The following PTK2 variants were observed in gnomAD, a reference collection of about 807,000 sequenced individuals.
PTK2 encodes focal adhesion kinase 1.
In PTK2, 45 loss-of-function variants were observed where a neutral mutation model predicts 150.1. The ratio of observed to expected loss-of-function variants is 0.30; its 90% CI spans 0.24 to 0.38. The LOEUF is 0.38. Ranked by LOEUF, PTK2 falls within the 10% of genes least tolerant of loss-of-function variation. The pLI, the probability that PTK2 is intolerant of heterozygous loss-of-function variation, is 1.00. For synonymous variants in PTK2, 432 were observed against 449.2 expected, an observed-to-expected ratio of 0.96 and a Z score of 0.48; for missense variants, 919 against 1,307.3, an observed-to-expected ratio of 0.70 and a Z score of 4.58.
chr8:140,978,743 C>G (rs1251154291), intron 1 of PTK2, among the ~76,000 whole-genome samples: 1 of 151,870 alleles, frequency 6.6e-6, no homozygotes, highest in African/African-American at 2.4e-5. Context: ...CCATTTGACC[C>G]AGCCATCCCA....
intron 2 of PTK2, chr8:140,920,689 T>G: frequency 1.0e-6 from 1 of 974,474 alleles, no homozygotes; most frequent in Non-Finnish European, 1.4e-6. Context: ...ACCAAATCTA[T>G]TTCCATTTTT....
In PTK2 at chr8:140,866,921, A is replaced by G. The variant is rs576689160; in HGVS notation, c.363-2522T>C. Among the ~76,000 whole-genome samples, 17 of 152,348 alleles carry G rather than the reference A, an allele frequency of 1.1e-4. No individual in the cohort carries two copies. The East Asian group carries it at 2.9e-3, about 26-fold the overall frequency. On this transcript the variant is annotated intron_variant, in intron 4 of 31. Coordinates refer to ENST00000522684, the Ensembl canonical transcript of PTK2. ...CAATGATGGACACTCTGATATGATG[A>G]TATCTGAACAAAGATCTAAATAAAG...
At chr8:140,793,045 C>A (rs2100089436) in intron 13 of PTK2, among the ~76,000 whole-genome samples, 2 of 152,088 alleles carry the variant, frequency 1.3e-5, no homozygotes, top group African/African-American at 4.8e-5. Context: ...AGCCAGAATG[C>A]CACATATTTT....
chr8:140,759,396 T>C (rs1015334875), intron 16 of PTK2, among the ~76,000 whole-genome samples: 5 of 151,730 alleles, frequency 3.3e-5, no homozygotes, highest in African/African-American at 1.2e-4. Flanking sequence ...TAGCTGGGAA[T>C]GATGGCACAC....
intron 14 of PTK2, among the ~76,000 whole-genome samples, chr8:140,775,622 G>A (rs1056635917): frequency 5.3e-5 from 8 of 152,168 alleles, no homozygotes; most frequent in Non-Finnish European, 7.4e-5. Flanking sequence ...GGGACTATAG[G>A]TGTGAGCCAC....
At chr8:140,687,535 T>G (rs2100020659) in intron 26 of PTK2, among the ~76,000 whole-genome samples, 1 of 152,218 alleles carries the variant, frequency 6.6e-6, no homozygotes, top group East Asian at 1.9e-4. Context: ...CATCTTGATG[T>G]CTGATTCGTC....
intron 26 of PTK2, among the ~76,000 whole-genome samples, chr8:140,694,287 T>C (rs967650645): frequency 1.3e-5 from 2 of 152,050 alleles, no homozygotes; most frequent in African/African-American, 4.8e-5. Flanking sequence ...GTGATCCGTC[T>C]GCCTCGGCCT....
At chr8:140,770,551 C>T (rs954574010) in intron 14 of PTK2, among the ~76,000 whole-genome samples, 165 bp downstream of exon 15, 6 of 152,180 alleles carry the variant, frequency 3.9e-5, no homozygotes, top group African/African-American at 1.4e-4. Context: ...TAAAACCTTG[C>T]CCCCACCCCA....
At chr8:140,811,220 C>T (rs1283991362) in intron 10 of PTK2, among the ~76,000 whole-genome samples, 2 of 152,174 alleles carry the variant, frequency 1.3e-5, no homozygotes, top group African/African-American at 4.8e-5. Context: ...GGATTCCTAA[C>T]CTCCAGGAGC....
intron 5 of PTK2, among the ~76,000 whole-genome samples, chr8:140,855,177 T>C (rs1384218441): frequency 2.6e-5 from 4 of 152,062 alleles, no homozygotes; most frequent in Admixed American, 6.5e-5. Context: ...TTCATTTACA[T>C]AGAAATTAAA....
At chr8:140,790,418 T>C (rs2100087751) in intron 13 of PTK2, among the ~76,000 whole-genome samples, 2 of 152,212 alleles carry the variant, frequency 1.3e-5, no homozygotes, top group Non-Finnish European at 2.9e-5. Flanking sequence ...CATATACACC[T>C]TATACATGTA....
At chr8:140,850,766 G>C (rs368067393) in intron 5 of PTK2, among the ~76,000 whole-genome samples, 4 of 152,030 alleles carry the variant, frequency 2.6e-5, no homozygotes, top group East Asian at 1.9e-4. Flanking sequence ...GATGGATTTG[G>C]ACTTCTTTCT....
At chr8:140,856,927 A>G (rs1014188305) in intron 5 of PTK2, among the ~76,000 whole-genome samples, 10 of 152,192 alleles carry the variant, frequency 6.6e-5, no homozygotes, top group African/African-American at 2.4e-4. Flanking sequence ...CAGTTATGTG[A>G]TAAAGGAAGC....
chr8:140,843,854 T>TA (rs1173743704), intron 7 of PTK2, among the ~76,000 whole-genome samples: 1 of 152,234 alleles, frequency 6.6e-6, no homozygotes, highest in African/African-American at 2.4e-5. Flanking sequence ...GGATATATTA[T>TA]GATTAACAAA....
intron 10 of PTK2, among the ~76,000 whole-genome samples, chr8:140,814,414 T>C (rs757241968): frequency 7.2e-5 from 11 of 152,162 alleles, no homozygotes; most frequent in Admixed American, 5.9e-4. Flanking sequence ...AACAAAATAT[T>C]AGCAAACCAA....
chr8:140,858,873 A>G (rs2100134417), intron 5 of PTK2, among the ~76,000 whole-genome samples: 1 of 152,226 alleles, frequency 6.6e-6, no homozygotes, highest in Admixed American at 6.5e-5. Context: ...AACAATTAGT[A>G]TCAAATGAGC....
At chr8:140,898,636 C>G (rs28455543) in intron 2 of PTK2, among the ~76,000 whole-genome samples, 3,655 of 152,104 alleles carry the variant, frequency 0.024, 157 homozygotes, top group African/African-American at 0.085. Flanking sequence ...GATGTAAATG[C>G]TACATAATGC....
chr8:140,855,125 C>A lies in PTK2; in HGVS notation c.451-8447G>T, dbSNP rs142736184. ...CTCAGCTTCCCAAAGGGCTGAGATTCCAGGCATGAGCCACTGCATCTGGCC... is the reference window on the plus strand; with the variant it reads ...CTCAGCTTCCCAAAGGGCTGAGATTACAGGCATGAGCCACTGCATCTGGCC... On this transcript the variant is annotated intron_variant, in intron 5 of 31. Coordinates refer to ENST00000522684, the Ensembl canonical transcript of PTK2. Among the ~76,000 whole-genome samples the A allele has an allele frequency of 5.8e-3, 878 of 152,186 alleles. 5 individuals are homozygous for A. Among genetic ancestry groups the A allele is most frequent in the African/African-American group, 0.02 (831 of 41,508 alleles).
intron 14 of PTK2, among the ~76,000 whole-genome samples, chr8:140,771,843 C>T (rs997843991): frequency 1.3e-5 from 2 of 150,812 alleles, no homozygotes; most frequent in Admixed American, 6.6e-5. Context: ...TGCAATGGCA[C>T]GATCTTGGCT....
Sources: gnomAD v4.1 joint callset for allele counts (sites outside exome capture counted in the v4.1 genomes callset) on GRCh38, gnomAD v4.1.1 for gene constraint, MANE v1.5 for transcripts, NCBI Gene and HGNC (gene_info 2026-07-23, HGNC 2026-07-21) for gene names.